The following UBE2E1 variants were observed in gnomAD, a reference collection of about 807,000 sequenced individuals.
The protein encoded by UBE2E1 is ubiquitin conjugating enzyme E2 E1.
Under a neutral mutation model 21.4 loss-of-function variants are expected in UBE2E1, and 6 were observed. The observed-to-expected ratio is 0.28, with a 90% CI of 0.15 to 0.55. The LOEUF (loss-of-function observed/expected upper bound fraction) is 0.55, where lower values mean the gene tolerates loss of function less well. Ranked by LOEUF, UBE2E1 falls within the 20% of genes least tolerant of loss-of-function variation. UBE2E1 has a pLI of 0.93. For synonymous variants in UBE2E1, 87 were observed against 82.7 expected (o/e 1.05, Z -0.28); for missense variants, 142 against 236.5 (o/e 0.60, Z 2.62).
chr3:23,869,419 C>CTGTGTGTGTGTG (rs4024641), intron 3 of UBE2E1, among the ~76,000 whole-genome samples: 262 of 132,558 alleles, frequency 2.0e-3, no homozygotes, highest in Middle Eastern at 7.4e-3. Context: ...TGGTCTTTTC[C>CTGTGTGTGTGTG]TGTGTGTGTG....
intron 3 of UBE2E1, among the ~76,000 whole-genome samples, chr3:23,849,341 A>G (rs772301261): frequency 1.3e-5 from 2 of 152,074 alleles, no homozygotes; most frequent in East Asian, 1.9e-4. Context: ...AAATTTTTAA[A>G]TTTCTTTTTG....
chr3:23,874,548 A>G (rs1575033573), intron 3 of UBE2E1, among the ~76,000 whole-genome samples: 6 of 152,336 alleles, frequency 3.9e-5, no homozygotes, highest in Admixed American at 3.3e-4. Flanking sequence ...GGACTCCACC[A>G]TAAGGCAGAT....
chr3:23,822,207 T>C (rs1464546436), intron 3 of UBE2E1, among the ~76,000 whole-genome samples: 1 of 152,182 alleles, frequency 6.6e-6, no homozygotes, highest in Non-Finnish European at 1.5e-5. Context: ...AGATTTTACC[T>C]CAGGTTTGTT....
chr3:23,845,161 C>G (rs964887653), intron 3 of UBE2E1, among the ~76,000 whole-genome samples: 1 of 152,122 alleles, frequency 6.6e-6, no homozygotes, highest in Non-Finnish European at 1.5e-5. Flanking sequence ...GAAGGATTTC[C>G]TAAGTGTAGC....
rs1699828651 is a variant in UBE2E1 at position 23,829,661 on chromosome 3, A to G, written c.203+18151A>G. ...TTACAGATTTAGGGAGTCCAAGGAA[A>G]AGGTTGAGGTCGAGCTAATAAGAGA... On this transcript the variant is annotated intron_variant, in intron 3 of 5. Coordinates refer to ENST00000306627, the MANE Select transcript of UBE2E1 (RefSeq NM_003341.5). 3.3e-5 allele frequency among the ~76,000 whole-genome samples: 5 copies of G among 152,138 alleles called. No individual in the cohort carries two copies. In the South Asian group the frequency reaches 1.0e-3, roughly 31 times the overall value.
At chr3:23,811,600 T>C in intron 3 of UBE2E1, 90 bp downstream of exon 3, 1 of 1,275,094 alleles carries the variant, frequency 7.8e-7, no homozygotes, top group Non-Finnish European at 1.1e-6. Flanking sequence ...TTTCTTTGAT[T>C]CTTTGGCTAA....
At chr3:23,885,317 C>G (rs1024356616) in intron 3 of UBE2E1, among the ~76,000 whole-genome samples, 3 of 152,088 alleles carry the variant, frequency 2.0e-5, no homozygotes, top group Admixed American at 6.5e-5. Context: ...ATAAAAGTTT[C>G]GAGGGGATGC....
chr3:23,886,294 C>T (rs1701182386), intron 3 of UBE2E1, among the ~76,000 whole-genome samples: 1 of 152,200 alleles, frequency 6.6e-6, no homozygotes, highest in Admixed American at 6.5e-5. Flanking sequence ...GTGATCACTG[C>T]CGTTTAATGA....
At chr3:23,849,365 G>A (rs2125306090) in intron 3 of UBE2E1, among the ~76,000 whole-genome samples, 1 of 152,154 alleles carries the variant, frequency 6.6e-6, no homozygotes, top group South Asian at 2.1e-4. Flanking sequence ...TTTACTTTAA[G>A]TTTTGGGATA....
intron 3 of UBE2E1, among the ~76,000 whole-genome samples, chr3:23,882,878 G>C (rs1701084923): frequency 6.6e-6 from 1 of 152,194 alleles, no homozygotes; most frequent in South Asian, 2.1e-4. Flanking sequence ...GCTGTTCCAT[G>C]AGCACTGCGC....
chr3:23,867,716 A>G (rs886814858), intron 3 of UBE2E1, among the ~76,000 whole-genome samples: 5 of 152,302 alleles, frequency 3.3e-5, no homozygotes, highest in Non-Finnish European at 5.9e-5. Flanking sequence ...GAGATTCAGT[A>G]TGTCAGTCCC....
Position 23,889,176 on chromosome 3 carries a change from T to C in UBE2E1, c.401T>C (p.Ile134Thr). ...INSQGVICLD[I>T]LKDNWSPALT... is the part of the protein sequence containing the mutation. ...AGTCAAGGTGTTATTTGCTTGGACA[T>C]ATTGAAAGATAATTGGAGTCCAGCA... The change falls in exon 5 of 6, where the codon ATA (isoleucine) becomes ACA (threonine). Residue 134 changes from isoleucine to threonine, a missense_variant. Coordinates refer to ENST00000306627, the MANE Select transcript of UBE2E1 (RefSeq NM_003341.5). The C allele has an allele frequency of 6.2e-7, 1 of 1,613,174 alleles. No individual in the cohort carries two copies. Among genetic ancestry groups the C allele is most frequent in the Non-Finnish European group, 8.5e-7 (1 of 1,179,846 alleles).
intron 3 of UBE2E1, among the ~76,000 whole-genome samples, chr3:23,819,437 G>A (rs1054057663): frequency 2.6e-5 from 4 of 152,128 alleles, no homozygotes; most frequent in African/African-American, 9.7e-5. Context: ...TTTTCTAGAC[G>A]ATTAGAAGCA....
chr3:23,848,044 G>GT (rs1311938009), intron 3 of UBE2E1, among the ~76,000 whole-genome samples: 94 of 152,164 alleles, frequency 6.2e-4, no homozygotes, highest in African/African-American at 2.1e-3. Context: ...CTGTACCTTG[G>GT]TTTTTTAACT....
intron 3 of UBE2E1, among the ~76,000 whole-genome samples, chr3:23,835,635 C>T (rs897174292): frequency 6.6e-6 from 1 of 150,620 alleles, no homozygotes; most frequent in African/African-American, 2.4e-5. Context: ...AATTTGCATA[C>T]AGTGTACCTC....
intron 4 of UBE2E1, among the ~76,000 whole-genome samples, chr3:23,888,413 T>C (rs930052083): frequency 8.5e-5 from 13 of 152,188 alleles, no homozygotes; most frequent in Admixed American, 2.6e-4. Context: ...TTTTAAAAAA[T>C]TGGTAAAATT....
chr3:23,872,808 G>A (rs756550485), intron 3 of UBE2E1, among the ~76,000 whole-genome samples: 1 of 152,200 alleles, frequency 6.6e-6, no homozygotes, highest in Non-Finnish European at 1.5e-5. Flanking sequence ...CATGAGGTCA[G>A]GAGATCGAGA....
intron 3 of UBE2E1, among the ~76,000 whole-genome samples, chr3:23,847,033 A>G (rs1392708823): frequency 6.6e-6 from 1 of 152,206 alleles, no homozygotes; most frequent in African/African-American, 2.4e-5. Flanking sequence ...CCAAAGAGGA[A>G]TTCATTGTAC....
chr3:23,822,191 A>T (rs6768429), intron 3 of UBE2E1, among the ~76,000 whole-genome samples: 8 of 152,050 alleles, frequency 5.3e-5, no homozygotes, highest in Non-Finnish European at 1.2e-4. Flanking sequence ...CCAGCAAGTA[A>T]CCACTAGATT....
Sources: gnomAD v4.1 joint callset for allele counts (sites outside exome capture counted in the v4.1 genomes callset) on GRCh38, gnomAD v4.1.1 for gene constraint, MANE v1.5 for transcripts, NCBI Gene and HGNC (gene_info 2026-07-23, HGNC 2026-07-21) for gene names.